PPP6R2: variants seen among roughly 807,000 people sequenced by gnomAD.
The protein encoded by PPP6R2 is protein phosphatase 6 regulatory subunit 2.
PPP6R2 carries 62 observed loss-of-function variants against 100.2 expected under a neutral mutation model. That is an observed-to-expected ratio of 0.62 (90% confidence interval 0.50 to 0.76). The LOEUF is 0.76. Among genes scored for constraint, PPP6R2 ranks in the 30% least tolerant of loss-of-function variants. The probability of loss-of-function intolerance (pLI) is 0.00; values close to 1 mark genes in which losing one functional copy is unlikely to be tolerated. For synonymous variants in PPP6R2, 525 were observed against 514.7 expected (o/e 1.02, Z -0.27); for missense variants, 1,142 against 1,276.3 (o/e 0.89, Z 1.60).
At position 50,435,655 on chromosome 22, in the gene PPP6R2, C is replaced by T. The variant is rs567506086; in HGVS notation, c.1516+574C>T. Among the ~76,000 whole-genome samples, 14 of 152,294 alleles carry T rather than the reference C, an allele frequency of 9.2e-5. No homozygotes were observed. In the South Asian group the frequency reaches 2.1e-3, roughly 23 times the overall value. The stretch of plus-strand genomic sequence containing the variant: ...TGAGGAAGCTCTGGATAGTCCTCCC[C>T]GCACCCCAGGACCATAGTGAGGGGA... On this transcript the variant is annotated intron_variant, in intron 13 of 23. Transcript: ENST00000612753.
Position 50,343,489 on chromosome 22 carries a change from C to T in PPP6R2, c.-209C>T, listed in dbSNP as rs941589587. 1 of 151,690 alleles carries T rather than the reference C, an allele frequency of 6.6e-6. No individual in the cohort carries two copies. The highest frequency in any genetic ancestry group is 2.4e-5 in the African/African-American group (1 of 41,342). The allele number at this position is 151,690 out of a possible 1,614,324, so 9.4% of individuals were successfully genotyped here. On this transcript the variant is annotated 5_prime_UTR_variant, in exon 1 of 24. Coordinates refer to ENST00000612753, the MANE Select transcript of PPP6R2 (RefSeq NM_001242898.2). ...GCTTTGCCTCCACCAGCGCCCTGGC[C>T]TCCGCTCGGGCCTCCACACGGGCCT...
intron 3 of PPP6R2, among the ~76,000 whole-genome samples, chr22:50,394,742 T>C (rs1460631411): frequency 6.6e-6 from 1 of 150,880 alleles, no homozygotes; most frequent in African/African-American, 2.4e-5. Context: ...CCGTCTCTAC[T>C]AAAAATACAA....
At chr22:50,400,102 A>G (rs1295961830) in intron 3 of PPP6R2, among the ~76,000 whole-genome samples, 4 of 152,232 alleles carry the variant, frequency 2.6e-5, no homozygotes, top group Non-Finnish European at 5.9e-5. Flanking sequence ...CCCAGTGGGA[A>G]GCAGCAGTGG....
chr22:50,375,832 ATTT>A (rs557118142), intron 2 of PPP6R2, among the ~76,000 whole-genome samples: 30 of 64,554 alleles, frequency 4.6e-4, no homozygotes, highest in East Asian at 2.4e-3. Flanking sequence ...ATCCCTGCAG[ATTT>A]TTTTTTTTTT....
chr22:50,405,623 G>A (rs1603259624), intron 3 of PPP6R2, among the ~76,000 whole-genome samples: 1 of 71,350 alleles, frequency 1.4e-5, no homozygotes, highest in Admixed American at 1.3e-4. Flanking sequence ...GAAGTGAGAG[G>A]CCTGGCAGGC....
At chr22:50,430,959 G>A (rs1230749616) in intron 10 of PPP6R2, among the ~76,000 whole-genome samples, 2 of 151,994 alleles carry the variant, frequency 1.3e-5, no homozygotes, top group African/African-American at 2.4e-5. Context: ...ACACCCACAG[G>A]CAGGAGGCAG....
At chr22:50,365,988 G>A (rs1407173688) in intron 1 of PPP6R2, among the ~76,000 whole-genome samples, 2 of 152,072 alleles carry the variant, frequency 1.3e-5, no homozygotes, top group African/African-American at 4.8e-5. Flanking sequence ...TCCCTTGCAT[G>A]CCTAGAACTT....
chr22:50,390,983 A>G (rs1330147259), intron 2 of PPP6R2, among the ~76,000 whole-genome samples: 1 of 149,664 alleles, frequency 6.7e-6, no homozygotes, highest in Non-Finnish European at 1.5e-5. Flanking sequence ...TGGGTGAGAG[A>G]GCAAAACTCC....
intron 2 of PPP6R2, among the ~76,000 whole-genome samples, chr22:50,391,644 G>T (rs1299019160): frequency 1.3e-5 from 2 of 150,844 alleles, no homozygotes; most frequent in Non-Finnish European, 2.9e-5. Flanking sequence ...TAATTGAAAT[G>T]ACTATTTGCA....
At chr22:50,424,341 T>TGTCCGCGTGTGGAAGGTCC (rs1229532217) in intron 10 of PPP6R2, among the ~76,000 whole-genome samples, 7 of 142,288 alleles carry the variant, frequency 4.9e-5, no homozygotes, top group Non-Finnish European at 1.1e-4. Context: ...GTGGAAGGTC[T>TGTCCGCGTGTGGAAGGTCC]GTCCGCGTGT....
intron 1 of PPP6R2, among the ~76,000 whole-genome samples, chr22:50,361,467 C>T (rs2047777216): frequency 6.6e-6 from 1 of 152,158 alleles, no homozygotes; most frequent in Non-Finnish European, 1.5e-5. Context: ...TGCCACTCTC[C>T]TGTGGCTGCT....
chr22:50,382,373 C>T (rs191343069), intron 2 of PPP6R2, among the ~76,000 whole-genome samples: 3 of 151,676 alleles, frequency 2.0e-5, no homozygotes, highest in Admixed American at 6.6e-5. Flanking sequence ...CTAAGGCGGG[C>T]GGATCACAAG....
At chr22:50,331,850 G>A in the PPP6R2 span, among the ~76,000 whole-genome samples, 23 of 152,312 alleles carry the variant, frequency 1.5e-4, no homozygotes, top group African/African-American at 5.3e-4. Context: ...TTGAACTCCT[G>A]ACCTTGTGAT....
In PPP6R2 at chr22:50,432,245, C is replaced by T; in HGVS notation, c.1336-20C>T. 5 of 1,548,290 alleles carry T rather than the reference C, an allele frequency of 3.2e-6. No homozygotes were observed. Among genetic ancestry groups the T allele is most frequent in the Non-Finnish European group, 4.4e-6 (5 of 1,145,644 alleles). On this transcript the variant is annotated intron_variant, in intron 11 of 23. Transcript: ENST00000612753. The stretch of plus-strand genomic sequence containing the variant: ...GCCTTCAGACCCTGACTCACGCTGT[C>T]CCCCTGCCCCGCCCCCCAGCTGTTC...
intron 2 of PPP6R2, among the ~76,000 whole-genome samples, chr22:50,373,270 C>T (rs1273166819): frequency 1.5e-5 from 2 of 129,878 alleles, no homozygotes; most frequent in African/African-American, 5.8e-5. Context: ...GAGACAGAGT[C>T]TTGCTCAGTC....
chr22:50,430,976 T>C (rs946990329), intron 10 of PPP6R2, among the ~76,000 whole-genome samples, 197 bp from the exon 11 acceptor site: 1 of 151,676 alleles, frequency 6.6e-6, no homozygotes, highest in African/African-American at 2.4e-5. Context: ...GCAGAAGTGC[T>C]CAGTGGCTAT....
rs1216475602 is a variant in PPP6R2 at position 50,444,076 on chromosome 22, C to G, written c.2790C>G (p.Ala930=). 8 of 1,612,742 alleles carry G rather than the reference C, an allele frequency of 5.0e-6. No individual in the cohort carries two copies. In the African/African-American group the frequency reaches 1.1e-4, roughly 22 times the overall value. ...GGCCCATCATGGCAGTCACAGCAGC[C>G]CCAGCCATGGTGGCCACCCTGGGGA... ...PLGPIMAVTA[A]PAMVATLGTV... Residue 930 remains alanine, a synonymous_variant, in exon 23 of 24, where the codon GCC becomes GCG. Transcript: ENST00000612753.
At chr22:50,338,766 TGTGTGTG>T (rs764415440), upstream of PPP6R2, among the ~76,000 whole-genome samples, 3 of 131,368 alleles carry the variant, frequency 2.3e-5, no homozygotes, top group Non-Finnish European at 4.7e-5. Context: ...TGGTAGGTAG[TGTGTGTG>T]GTATGTGGTG....
chr22:50,361,577 G>A (rs1386183953), intron 1 of PPP6R2, among the ~76,000 whole-genome samples: 1 of 151,812 alleles, frequency 6.6e-6, no homozygotes. Flanking sequence ...CTGCTTTTTG[G>A]TGCTGTTTTC....
Sources: gnomAD v4.1 joint callset for allele counts (sites outside exome capture counted in the v4.1 genomes callset) on GRCh38, gnomAD v4.1.1 for gene constraint, MANE v1.5 for transcripts, NCBI Gene and HGNC (gene_info 2026-07-23, HGNC 2026-07-21) for gene names.